NSUN7: variants seen among roughly 807,000 people sequenced by gnomAD.
NSUN7 encodes NOP2/Sun RNA methyltransferase family member 7.
NSUN7 carries 39 observed loss-of-function variants against 58.5 expected under a neutral mutation model. The observed-to-expected ratio is 0.67, with a 90% CI of 0.52 to 0.87. The LOEUF (loss-of-function observed/expected upper bound fraction) is 0.87, where lower values mean the gene tolerates loss of function less well. Among genes scored for constraint, NSUN7 ranks in the 40% least tolerant of loss-of-function variants. The pLI is 0.00. For missense variants in NSUN7, 765 were observed against 844.1 expected, an observed-to-expected ratio of 0.91 and a Z score of 1.16; for synonymous variants, 278 against 303.7, an observed-to-expected ratio of 0.92 and a Z score of 0.88.
In NSUN7 at chr4:40,808,532, G is replaced by A. The variant is rs541692884; in HGVS notation, c.1750G>A (p.Val584Ile). 5.2e-6 allele frequency: 8 copies of A among 1,552,198 alleles called. No individual in the cohort carries two copies. The African/African-American group carries it at 5.5e-5, about 11-fold the overall frequency. ...AGCCAGTGCTAATCTATCAGAGACT[G>A]TAACAAAACCACCTCTTCCCCAGAA... The part of the protein sequence containing the change: ...TKASANLSET[V>I]TKPPLPQKNT... The change falls in exon 12 of 12, where the codon GTA becomes ATA. Residue 584 changes from valine (V) to isoleucine (I), a missense_variant. Val to Ile is a conservative substitution (Grantham distance 29). Coordinates refer to ENST00000381782, the MANE Select transcript of NSUN7 (RefSeq NM_024677.6).
chr4:40,773,930 C>T (rs559978310), intron 4 of NSUN7, among the ~76,000 whole-genome samples: 228 of 152,164 alleles, frequency 1.5e-3, no homozygotes, highest in African/African-American at 5.3e-3. Context: ...TCCCGAGTAG[C>T]TGGGATTACA....
intron 7 of NSUN7, among the ~76,000 whole-genome samples, chr4:40,787,715 G>T (rs1577573149): frequency 6.6e-6 from 1 of 152,176 alleles, no homozygotes; most frequent in Non-Finnish European, 1.5e-5. Context: ...ATTCCTATAT[G>T]ATGTTGTCAC....
chr4:40,784,567 T>C (rs1335432568), intron 7 of NSUN7, among the ~76,000 whole-genome samples: 1 of 152,220 alleles, frequency 6.6e-6, no homozygotes, highest in African/African-American at 2.4e-5. Flanking sequence ...ATATCCCAAA[T>C]AGGCAAATCT....
intron 7 of NSUN7, among the ~76,000 whole-genome samples, chr4:40,778,615 T>G (rs1742380032): frequency 6.6e-6 from 1 of 152,156 alleles, no homozygotes; most frequent in East Asian, 1.9e-4. Flanking sequence ...TGCCTTGATC[T>G]TCAACTTCCT....
rs1043269479 is a variant in NSUN7, at chr4:40,775,980, A to G, written c.826-69A>G. 1.1e-5 allele frequency: 11 copies of G among 991,944 alleles called. No individual in the cohort carries two copies. The highest frequency in any genetic ancestry group is 2.6e-4 in the Middle Eastern group (1 of 3,858). 61.4% of individuals were successfully genotyped at this position (991,944 alleles called of 1,614,324 possible). ...CTATGAGGTACTTTCTTTTATGTAA[A>G]GCAAATAGAAGTCAGCTTATATTTC... On this transcript the variant is annotated intron_variant, in intron 6 of 11. Transcript: ENST00000381782. This position sits in a 1 kb window ranked among gnomAD's most constrained non-coding sequence, Gnocchi z 4.3.
chr4:40,780,623 AAG>A (rs1491296502), intron 7 of NSUN7, among the ~76,000 whole-genome samples: 1 of 151,554 alleles, frequency 6.6e-6, no homozygotes, highest in Non-Finnish European at 1.5e-5. Context: ...AGAAAAAAAA[AAG>A]GAGAGAAAGG....
rs938876437 is a variant in NSUN7 at position 40,775,902 on chromosome 4, C to G, written c.826-147C>G. On this transcript the variant is annotated intron_variant, in intron 6 of 11. Transcript: ENST00000381782. This position sits in a 1 kb window ranked among gnomAD's most constrained non-coding sequence, Gnocchi z 4.3. ...ATCAGTTGTCTTTGTTAACTCTTTA[C>G]TTAGACATATATTAAGATGTTAAAA... 1 of 506,658 alleles carries G rather than the reference C, an allele frequency of 2.0e-6. No homozygotes were observed. The highest frequency in any genetic ancestry group is 3.5e-6 in the Non-Finnish European group (1 of 289,466). 31.4% of individuals were successfully genotyped at this position (506,658 alleles called of 1,614,324 possible).
intron 9 of NSUN7, among the ~76,000 whole-genome samples, chr4:40,797,319 C>T (rs1449375872): frequency 6.6e-6 from 1 of 152,212 alleles, no homozygotes; most frequent in East Asian, 1.9e-4. Flanking sequence ...ACTCCCAAAT[C>T]TGTATTTCCA....
intron 7 of NSUN7, among the ~76,000 whole-genome samples, chr4:40,782,060 G>T (rs1742591626): frequency 6.6e-6 from 1 of 151,862 alleles, no homozygotes; most frequent in African/African-American, 2.4e-5. Flanking sequence ...AAAATCCAAA[G>T]GAATCAATGA....
chr4:40,790,823 C>T (rs1161452660), intron 8 of NSUN7, 78 bp downstream of exon 8: 5 of 1,077,538 alleles, frequency 4.6e-6, no homozygotes, highest in Non-Finnish European at 6.7e-6. Flanking sequence ...ATTAAAATAG[C>T]ATATCAAATA....
At chr4:40,758,210 A>C (rs1444465864) in intron 2 of NSUN7, among the ~76,000 whole-genome samples, 1 of 152,132 alleles carries the variant, frequency 6.6e-6, no homozygotes, top group African/African-American at 2.4e-5. Flanking sequence ...ATGAGTCACC[A>C]CACCCGGCCA....
At chr4:40,803,197 T>C (rs1577587469) in intron 10 of NSUN7, among the ~76,000 whole-genome samples, 1 of 152,134 alleles carries the variant, frequency 6.6e-6, no homozygotes, top group African/African-American at 2.4e-5. Flanking sequence ...TGTTGGACAT[T>C]TGGGTTGGTT....
intron 4 of NSUN7, among the ~76,000 whole-genome samples, chr4:40,768,328 A>G (rs1178867815): frequency 6.6e-6 from 1 of 151,680 alleles, no homozygotes; most frequent in Non-Finnish European, 1.5e-5. Flanking sequence ...CAGCCTCCCA[A>G]GTAGCTGGGA....
chr4:40,782,384 C>A (rs967842175), intron 7 of NSUN7, among the ~76,000 whole-genome samples: 1 of 151,446 alleles, frequency 6.6e-6, no homozygotes, highest in Non-Finnish European at 1.5e-5. Flanking sequence ...GACAATATGG[C>A]AAAACCCCGT....
At position 40,761,234 on chromosome 4, in the gene NSUN7, A is replaced by T. The variant is rs771576853; in HGVS notation, c.421A>T (p.Thr141Ser). The change falls in exon 4 of 12, where the codon ACT becomes TCT. Residue 141 changes from threonine (T) to serine (S), a missense_variant. Physicochemically the swap from Thr to Ser is moderately conservative, Grantham distance 58. Transcript: ENST00000381782. Reference sequence around the variant, plus strand: ...TGATTTCCAAGATAGAAAATTTCAAACTCGTGTCCTTTCTGATAATGAAGA... The same window carrying T: ...TGATTTCCAAGATAGAAAATTTCAATCTCGTGTCCTTTCTGATAATGAAGA... ...LYDFQDRKFQ[T>S]RVLSDNEEPI... The T allele has an allele frequency of 1.9e-6, 3 of 1,587,784 alleles. No homozygotes were observed. In the South Asian group the frequency reaches 3.5e-5, roughly 18 times the overall value.
rs775006867 is a variant in NSUN7 at position 40,790,585 on chromosome 4, CTG to C, written c.1037-13_1037-12del. 9.1e-6 allele frequency: 13 copies of C among 1,430,950 alleles called. No individual in the cohort carries two copies. Among genetic ancestry groups the C allele is most frequent in the Non-Finnish European group, 1.9e-6 (2 of 1,036,876 alleles). The allele number at this position is 1,430,950 out of a possible 1,614,324, so 88.6% of individuals were successfully genotyped here. A position where few individuals can be genotyped will look rare whatever the true frequency, so the allele number is the denominator to read the frequency against. ...TCATTAATATTTTACATTAAATTTT[CTG>C]TGTTTTTTCCCCAGATATTGAAATA... is the stretch of plus-strand genomic sequence containing the variant. On this transcript the variant is annotated splice_polypyrimidine_tract_variant and intron_variant, in intron 7 of 11. Coordinates refer to ENST00000381782, the MANE Select transcript of NSUN7 (RefSeq NM_024677.6).
chr4:40,784,552 G>A (rs1307115730), intron 7 of NSUN7, among the ~76,000 whole-genome samples: 1 of 152,182 alleles, frequency 6.6e-6, no homozygotes, highest in Non-Finnish European at 1.5e-5. Context: ...TGGGGGAAGA[G>A]GACAATATCC....
chr4:40,772,173 C>T (rs1267311243), intron 4 of NSUN7, among the ~76,000 whole-genome samples: 2 of 152,058 alleles, frequency 1.3e-5, no homozygotes, highest in Non-Finnish European at 2.9e-5. Context: ...ATTTATTTCT[C>T]CTTACACTCC....
chr4:40,792,933 T>A (rs930538972), intron 8 of NSUN7, among the ~76,000 whole-genome samples: 1 of 152,128 alleles, frequency 6.6e-6, no homozygotes, highest in African/African-American at 2.4e-5. Flanking sequence ...TAAACTTAGA[T>A]ACAAGGTAGA....
Sources: allele counts gnomAD v4.1 joint callset (sites outside exome capture counted in the v4.1 genomes callset), GRCh38; gene constraint gnomAD v4.1.1; non-coding constraint Gnocchi (gnomAD v3.1); transcripts MANE v1.5; gene names NCBI Gene and HGNC (gene_info 2026-07-23, HGNC 2026-07-21).